Variants in CLVS2 observed in about 807,000 individuals in gnomAD.
CLVS2 encodes clavesin-2.
In CLVS2, 19 loss-of-function variants were observed where a neutral mutation model predicts 29.0. That is an observed-to-expected ratio of 0.66 (90% CI 0.46 to 0.96). CLVS2 has a LOEUF of 0.96. Ranked by LOEUF, CLVS2 falls within the 40% of genes least tolerant of loss-of-function variation. The probability of loss-of-function intolerance (pLI) is 0.00; values close to 1 mark genes in which losing one functional copy is unlikely to be tolerated. For synonymous variants in CLVS2, 161 were observed against 151.3 expected, an observed-to-expected ratio of 1.06 and a Z score of -0.47; for missense variants, 294 against 404.1, an observed-to-expected ratio of 0.73 and a Z score of 2.34.
At chr6:123,038,467 A>G (rs1562170773) in intron 3 of CLVS2, among the ~76,000 whole-genome samples, 1 of 152,136 alleles carries the variant, frequency 6.6e-6, no homozygotes, top group African/African-American at 2.4e-5. Context: ...AAAGGATGTG[A>G]TATTTTTCTA....
chr6:123,020,051 T>C (rs956528972), intron 3 of CLVS2, among the ~76,000 whole-genome samples: 4 of 151,990 alleles, frequency 2.6e-5, no homozygotes, highest in Non-Finnish European at 5.9e-5. Flanking sequence ...ACTCAGTCTA[T>C]CCATTCAAAT....
Position 122,997,920 on chromosome 6 carries a change from G to A in CLVS2, c.143G>A (p.Arg48His). 6.2e-7 allele frequency: 1 copy of A among 1,614,184 alleles called. No individual in the cohort carries two copies. The highest frequency in any genetic ancestry group is 8.5e-7 in the Non-Finnish European group (1 of 1,180,040). ...VITRPDIGFL[R>H]TDDAFILRFL... ...ACCAGGCCGGACATTGGCTTTCTGC[G>A]CACGGATGATGCCTTCATCTTACGC... Residue 48 changes from arginine (R) to histidine (H), a missense_variant, in exon 2 of 6, where the codon CGC becomes CAC. Transcript: ENST00000275162.
At chr6:123,029,045 T>A (rs916352194) in intron 3 of CLVS2, among the ~76,000 whole-genome samples, 4 of 152,160 alleles carry the variant, frequency 2.6e-5, no homozygotes, top group Admixed American at 6.5e-5. Context: ...TTTCTCTGTC[T>A]CTTCCACATG....
At chr6:123,036,073 A>G (rs906171133) in intron 3 of CLVS2, among the ~76,000 whole-genome samples, 1 of 152,126 alleles carries the variant, frequency 6.6e-6, no homozygotes, top group African/African-American at 2.4e-5. Flanking sequence ...CTCCAATTCC[A>G]TTGTAAAATT....
At chr6:122,998,575 G>A (rs1386060347) in intron 2 of CLVS2, among the ~76,000 whole-genome samples, 2 of 151,972 alleles carry the variant, frequency 1.3e-5, no homozygotes, top group African/African-American at 4.8e-5. Flanking sequence ...CATCATCATT[G>A]TCATCATCAT....
chr6:122,998,690 A>G, intron 2 of CLVS2, among the ~76,000 whole-genome samples: 1 of 152,170 alleles, frequency 6.6e-6, no homozygotes, highest in East Asian at 1.9e-4. Context: ...CTGTTTGGTG[A>G]TGTGTAGAAG....
chr6:123,049,808 G>GA (rs541963204), intron 4 of CLVS2, among the ~76,000 whole-genome samples: 1 of 138,954 alleles, frequency 7.2e-6, no homozygotes, highest in Non-Finnish European at 1.5e-5. Context: ...GTGGGATGGG[G>GA]GGCGGGGAGG....
chr6:123,012,523 G>T (rs1158352322), intron 3 of CLVS2, among the ~76,000 whole-genome samples: 2 of 151,420 alleles, frequency 1.3e-5, no homozygotes, highest in East Asian at 3.9e-4. Context: ...TTCAAGAATA[G>T]ACTCTTGCTA....
In CLVS2 at chr6:123,067,033, G is replaced by A. The variant is rs1379282406; in HGVS notation, c.*3272G>A. The A allele has an allele frequency of 6.6e-6, 1 of 151,690 alleles. No individual in the cohort carries two copies. The highest frequency in any genetic ancestry group is 2.4e-5 in the African/African-American group (1 of 41,390). 9.4% of individuals were successfully genotyped at this position (151,690 alleles called of 1,614,324 possible). A position where few individuals can be genotyped will look rare whatever the true frequency, so the allele number is the denominator to read the frequency against. On this transcript the variant is annotated 3_prime_UTR_variant, in exon 6 of 6. Coordinates refer to ENST00000275162, the MANE Select transcript of CLVS2 (RefSeq NM_001010852.4). ...GGCATGCATGAATTCTTTCATTTCA[G>A]TAATGGTTTGCATAAGTGTAGACAG...
At chr6:123,003,990 A>T (rs895338016) in intron 2 of CLVS2, among the ~76,000 whole-genome samples, 2 of 152,210 alleles carry the variant, frequency 1.3e-5, no homozygotes, top group Non-Finnish European at 2.9e-5. Context: ...TTACCAACCT[A>T]AATCTAGGGA....
At chr6:123,022,604 TC>T (rs200142592) in intron 3 of CLVS2, among the ~76,000 whole-genome samples, 7 of 151,310 alleles carry the variant, frequency 4.6e-5, no homozygotes, top group East Asian at 1.9e-4. Context: ...GAGGTCTTTT[TC>T]CCCCCCCAGG....
chr6:123,057,466 C>T (rs1772710979), intron 5 of CLVS2, among the ~76,000 whole-genome samples: 1 of 151,166 alleles, frequency 6.6e-6, no homozygotes, highest in Non-Finnish European at 1.5e-5. Flanking sequence ...CCTGCCTCAG[C>T]CTCTGGAGTA....
chr6:123,015,404 A>G lies in CLVS2; in HGVS notation c.564+4245A>G, dbSNP rs147212684. On this transcript the variant is annotated intron_variant, in intron 3 of 5. Coordinates refer to ENST00000275162, the MANE Select transcript of CLVS2 (RefSeq NM_001010852.4). ...TGGAGAACCCCATACCACCTTTGAA[A>G]TAATTATAATAGTCTCATTTTTATA... 2.0e-3 allele frequency among the ~76,000 whole-genome samples: 310 copies of G among 152,170 alleles called. 3 individuals are homozygous for G. The highest frequency in any genetic ancestry group is 7.1e-3 in the African/African-American group (293 of 41,558).
chr6:123,061,839 G>A (rs901581058), intron 5 of CLVS2, among the ~76,000 whole-genome samples: 2 of 151,580 alleles, frequency 1.3e-5, no homozygotes, highest in Non-Finnish European at 2.9e-5. Flanking sequence ...ATGTACTTAT[G>A]GAATATTATT....
intron 3 of CLVS2, among the ~76,000 whole-genome samples, chr6:123,014,294 C>T (rs1372816452): frequency 6.6e-6 from 1 of 151,348 alleles, no homozygotes; most frequent in Non-Finnish European, 1.5e-5. Flanking sequence ...TAAAAGTGTT[C>T]CTATTTCTCC....
chr6:123,061,697 A>G (rs1772780910), intron 5 of CLVS2, among the ~76,000 whole-genome samples: 1 of 152,158 alleles, frequency 6.6e-6, no homozygotes, highest in African/African-American at 2.4e-5. Flanking sequence ...ATTCTCTAAT[A>G]TTGTTTTCAA....
rs1438934460 is a variant in CLVS2, at chr6:123,064,537, T to C, written c.*776T>C. 1 of 151,916 alleles carries C rather than the reference T, an allele frequency of 6.6e-6. No individual in the cohort carries two copies. Among genetic ancestry groups the C allele is most frequent in the Non-Finnish European group, 1.5e-5 (1 of 67,866 alleles). 9.4% of individuals were successfully genotyped at this position (151,916 alleles called of 1,614,324 possible). A position where few individuals can be genotyped will look rare whatever the true frequency, so the allele number is the denominator to read the frequency against. ...TTCTTCCTAATGTACTCTAAGTACA[T>C]TTCCCCTCCAAAACTCTTTGACTAA... On this transcript the variant is annotated 3_prime_UTR_variant, in exon 6 of 6. Transcript: ENST00000275162.
rs150960460 is a variant in CLVS2, at chr6:123,037,766, T to C, written c.565-10856T>C. ...AAACTAAAATAAACTAAACTAAAAC[T>C]CTACTTGCTACTGCTGTTTTTTCTT... is the stretch of plus-strand genomic sequence containing the variant. On this transcript the variant is annotated intron_variant, in intron 3 of 5. Transcript: ENST00000275162. 1.6e-3 allele frequency among the ~76,000 whole-genome samples: 247 copies of C among 152,268 alleles called. 1 individual carries two copies. The highest frequency in any genetic ancestry group is 5.8e-3 in the African/African-American group (241 of 41,560).
intron 3 of CLVS2, among the ~76,000 whole-genome samples, chr6:123,018,594 A>C (rs1774874936): frequency 6.6e-6 from 1 of 151,734 alleles, no homozygotes; most frequent in Non-Finnish European, 1.5e-5. Flanking sequence ...TTATCCATGA[A>C]TAATACTCTT....
Sources: gnomAD v4.1 joint callset for allele counts (sites outside exome capture counted in the v4.1 genomes callset) on GRCh38, gnomAD v4.1.1 for gene constraint, MANE v1.5 for transcripts, NCBI Gene and HGNC (gene_info 2026-07-23, HGNC 2026-07-21) for gene names.